ZNF74: variants seen among roughly 807,000 people sequenced by gnomAD.
ZNF74 encodes the protein zinc finger protein 520.
In ZNF74, 12 loss-of-function variants were observed where a neutral mutation model predicts 17.7. That is an observed-to-expected ratio of 0.68 (90% CI 0.43 to 1.10). The LOEUF is 1.10. Among genes scored for constraint, ZNF74 ranks in the 50% least tolerant of loss-of-function variants. The pLI is 0.00. For synonymous variants in ZNF74, 358 were observed against 362.1 expected (o/e 0.99, Z 0.13); for missense variants, 811 against 881.0 (o/e 0.92, Z 1.01).
rs757202277 is a variant in ZNF74, at chr22:20,405,801, GTTCCGCCAGAGCT to G, written c.769_781del (p.Phe257ProfsTer350). 4.0e-5 allele frequency: 64 copies of G among 1,611,094 alleles called. No individual in the cohort carries two copies. The highest frequency in any genetic ancestry group is 8.5e-7 in the Non-Finnish European group (1 of 1,179,302). ...TCGTGTGCGGCGAGTGCGGGAAGGCGTTCCGCCAGAGCTCCTCCCTCACGCTGCACCGGCGCTG... is the reference window on the plus strand; with the variant it reads ...TCGTGTGCGGCGAGTGCGGGAAGGCGCCTCCCTCACGCTGCACCGGCGCTG... On this transcript the variant is annotated frameshift_variant, in exon 5 of 5. Transcript: ENST00000400451. LOFTEE classifies it low-confidence loss of function (END_TRUNC).
Position 20,405,707 on chromosome 22 carries a change from C to T in ZNF74, c.674C>T (p.Thr225Met), listed in dbSNP as rs2052409747. 5 of 1,604,346 alleles carry T rather than the reference C, an allele frequency of 3.1e-6. No individual in the cohort carries two copies. Among genetic ancestry groups the T allele is most frequent in the Non-Finnish European group, 4.3e-6 (5 of 1,175,794 alleles). The stretch of plus-strand genomic sequence containing the variant: ...CTGTGTGCAGGGGAAAACGCCTCCA[C>T]GCCAAGTGAGCCAGAAAAGTTCCCC... ...ARLCAGENAS[T>M]PSEPEKFPQV... The change falls in exon 5 of 5, where the codon ACG (threonine) becomes ATG (methionine). Residue 225 changes from threonine (T) to methionine (M), a missense_variant. Thr to Met is a moderately conservative substitution (Grantham distance 81). This residue lies in a region of ZNF74 where 666 missense variants were observed against 702.3 expected (regional missense o/e 0.95). Transcript: ENST00000400451.
intron 3 of ZNF74, chr22:20,400,978 C>A: frequency 1.6e-6 from 1 of 613,940 alleles, no homozygotes; most frequent in Non-Finnish European, 2.9e-6. Context: ...TTGGTGTTTC[C>A]CCTGGTCCTG....
At position 20,395,317 on chromosome 22, in the gene ZNF74, A is replaced by G. The variant is rs545546406; in HGVS notation, c.35-16A>G. ...AGCCTGGTAGCCGTGACCTTGACTC[A>G]TTTCTCCTTCGCCAGCTCTTTCCTC... On this transcript the variant is annotated splice_polypyrimidine_tract_variant and intron_variant, in intron 1 of 4. Transcript: ENST00000400451. 2.5e-6 allele frequency: 4 copies of G among 1,582,088 alleles called. No homozygotes were observed. Among genetic ancestry groups the G allele is most frequent in the African/African-American group, 1.3e-5 (1 of 74,192 alleles).
Position 20,405,749 on chromosome 22 carries a change from G to T in ZNF74, c.716G>T (p.Arg239Leu). 1 of 1,604,922 alleles carries T rather than the reference G, an allele frequency of 6.2e-7. No homozygotes were observed. Among genetic ancestry groups the T allele is most frequent in the Non-Finnish European group, 8.5e-7 (1 of 1,176,328 alleles). Residue 239 changes from arginine (R) to leucine (L), a missense_variant, in exon 5 of 5, where the codon CGC becomes CTC. This residue lies in a region of ZNF74 where 666 missense variants were observed against 702.3 expected (regional missense o/e 0.95). Transcript: ENST00000400451. ...PEKFPQVRRQ[R>L]GAGAGEGEFV... is the part of the protein sequence containing the mutation. The stretch of plus-strand genomic sequence containing the variant: ...AAGTTCCCCCAGGTGCGCCGGCAGC[G>T]CGGGGCGGGCGCCGGGGAGGGCGAG...
rs1263495478 is a variant in ZNF74, at chr22:20,402,907, G to A, written c.343+1535G>A. On this transcript the variant is annotated intron_variant, in intron 4 of 4. Coordinates refer to ENST00000400451, the MANE Select transcript of ZNF74 (RefSeq NM_003426.4). ...GAATTGCTTGAACCCGGGAGGCAGA[G>A]GTTGCAGTGAGCCATGATCGCACCA... Among the ~76,000 whole-genome samples the A allele has an allele frequency of 2.0e-5, 3 of 152,130 alleles. No homozygotes were observed. The East Asian group carries it at 5.8e-4, about 29-fold the overall frequency.
chr22:20,406,909 T>C lies in ZNF74; in HGVS notation c.1876T>C (p.Cys626Arg). Residue 626 changes from cysteine (C) to arginine (R), a missense_variant, in exon 5 of 5, where the codon TGC becomes CGC. Coordinates refer to ENST00000400451, the MANE Select transcript of ZNF74 (RefSeq NM_003426.4). ...IDALDVAKLLCVVPPRAGRNF... is the reference protein window; with the variant it reads ...IDALDVAKLLRVVPPRAGRNF... ...CGCGCTGGATGTGGCAAAGCTCTTG[T>C]GCGTGGTTCCCCCCAGAGCTGGCAG... 1 of 1,613,992 alleles carries C rather than the reference T, an allele frequency of 6.2e-7. No homozygotes were observed. Among genetic ancestry groups the C allele is most frequent in the Non-Finnish European group, 8.5e-7 (1 of 1,180,018 alleles).
In ZNF74 at chr22:20,400,760, T is replaced by TA; in HGVS notation, c.247+6dup. Reference sequence around the variant, plus strand: ...ACTACCAGAACCTTCTTGCCCTAGGTAAAATCCCCCCAGCCCCAGGCTGGG... The same window carrying TA: ...ACTACCAGAACCTTCTTGCCCTAGGTAAAAATCCCCCCAGCCCCAGGCTGGG... On this transcript the variant is annotated splice_region_variant and intron_variant, in intron 3 of 4. Coordinates refer to ENST00000400451, the MANE Select transcript of ZNF74 (RefSeq NM_003426.4). The TA allele has an allele frequency of 6.2e-7, 1 of 1,613,848 alleles. No individual in the cohort carries two copies. Among genetic ancestry groups the TA allele is most frequent in the Non-Finnish European group, 8.5e-7 (1 of 1,179,888 alleles).
chr22:20,397,071 C>CTTTCTTTTTCTT (rs361657), intron 2 of ZNF74, among the ~76,000 whole-genome samples: 6 of 146,708 alleles, frequency 4.1e-5, no homozygotes, highest in South Asian at 2.1e-4. Flanking sequence ...TTTTGTTTTT[C>CTTTCTTTTTCTT]TTTCTTTTTC....
intron 4 of ZNF74, among the ~76,000 whole-genome samples, chr22:20,402,797 A>G (rs1299051167): frequency 1.3e-5 from 1 of 75,484 alleles, no homozygotes; most frequent in East Asian, 4.7e-4. Context: ...GTGAAATTCC[A>G]TCTCAAAAAA....
Position 20,406,742 on chromosome 22 carries a change from A to G in ZNF74, c.1709A>G (p.His570Arg). The G allele has an allele frequency of 6.2e-7, 1 of 1,614,096 alleles. No individual in the cohort carries two copies. Among genetic ancestry groups the G allele is most frequent in the Non-Finnish European group, 8.5e-7 (1 of 1,180,024 alleles). Residue 570 changes from histidine (H) to arginine (R), a missense_variant, in exon 5 of 5, where the codon CAC (histidine) becomes CGC (arginine). Physicochemically the swap from His to Arg is conservative, Grantham distance 29. This residue lies in a region of ZNF74 where 115 missense variants were observed against 119.5 expected (regional missense o/e 0.96). Coordinates refer to ENST00000400451, the MANE Select transcript of ZNF74 (RefSeq NM_003426.4). ...GGGGAGATGTTCAACTGGAGCTCGC[A>G]CCTCACTGAGCACCAGAGGCTGCAC... The part of the protein sequence containing the change: ...KCGEMFNWSS[H>R]LTEHQRLHSE...
chr22:20,402,918 G>T (rs1219095952), intron 4 of ZNF74, among the ~76,000 whole-genome samples: 3 of 152,096 alleles, frequency 2.0e-5, no homozygotes, highest in Admixed American at 2.0e-4. Flanking sequence ...GTTGCAGTGA[G>T]CCATGATCGC....
chr22:20,405,626 TG>T lies in ZNF74; in HGVS notation c.595del (p.Asp199ThrfsTer412). 1 of 1,613,272 alleles carries T rather than the reference TG, an allele frequency of 6.2e-7. No homozygotes were observed. Among genetic ancestry groups the T allele is most frequent in the Non-Finnish European group, 8.5e-7 (1 of 1,179,670 alleles). ...CGCGTTCCCGAGGGGGGACCCTTGC[TG>T]GACACACGCAAGAACGTCCAGGCCA... ...QQRVPEGGPL[L>X]DTRKNVQATE... On this transcript the variant is annotated frameshift_variant, in exon 5 of 5. Coordinates refer to ENST00000400451, the MANE Select transcript of ZNF74 (RefSeq NM_003426.4). LOFTEE classifies it low-confidence loss of function (END_TRUNC).
rs2052420334 is a variant in ZNF74, at chr22:20,406,099, G to C, written c.1066G>C (p.Gly356Arg). ...CAGCATGCACCTGCGGGTGCACACC[G>C]GCGAGAAGCCCTACCGGTGCGGCGA... ...LLSMHLRVHT[G>R]EKPYRCGECG... Residue 356 changes from glycine (G) to arginine (R), a missense_variant, in exon 5 of 5, where the codon GGC (glycine) becomes CGC (arginine). Physicochemically the swap from Gly to Arg is moderately radical, Grantham distance 125. Around this residue, in one of 3 missense-constraint regions of ZNF74, gnomAD observed 666 missense variants for 702.3 expected, o/e 0.95. Coordinates refer to ENST00000400451, the MANE Select transcript of ZNF74 (RefSeq NM_003426.4). 6.2e-7 allele frequency: 1 copy of C among 1,613,212 alleles called. No individual in the cohort carries two copies. The highest frequency in any genetic ancestry group is 1.7e-5 in the Admixed American group (1 of 59,958).
Position 20,401,507 on chromosome 22 carries a change from C to T in ZNF74, c.343+135C>T, listed in dbSNP as rs2052357142. ...TCAGGTCCCCCGCCAGACCCTCCTG[C>T]CTGCCTCCCTTCAGCACGTACTGAG... On this transcript the variant is annotated intron_variant, in intron 4 of 4. Coordinates refer to ENST00000400451, the MANE Select transcript of ZNF74 (RefSeq NM_003426.4). The surrounding 1 kb of genome is among the most constrained non-coding windows in gnomAD (Gnocchi z 4.2). The T allele has an allele frequency of 1.5e-6, 1 of 648,406 alleles. No homozygotes were observed. The highest frequency in any genetic ancestry group is 2.6e-5 in the Admixed American group (1 of 39,064). The allele number at this position is 648,406 out of a possible 1,614,324, so 40.2% of individuals were successfully genotyped here.
rs1459775859 is a variant in ZNF74 at position 20,394,627 on chromosome 22, C to T, written c.-2C>T. 7 of 1,614,014 alleles carry T rather than the reference C, an allele frequency of 4.3e-6. No homozygotes were observed. The highest frequency in any genetic ancestry group is 5.9e-6 in the Non-Finnish European group (7 of 1,180,000). On this transcript the variant is annotated 5_prime_UTR_variant, in exon 1 of 5. Transcript: ENST00000400451. ...CCTCCTGGGGAGGCTGCCGTGGAGG[C>T]CATGGAGATCCCTGCCCCGGAGCCC...
intron 2 of ZNF74, 153 bp from the exon 3 acceptor site, chr22:20,400,479 A>T: frequency 1.2e-6 from 1 of 818,598 alleles, no homozygotes; most frequent in Non-Finnish European, 2.0e-6. Flanking sequence ...CCCCGAATTC[A>T]GTCATGGTCA....
rs1195962597 is a variant in ZNF74, at chr22:20,405,986, C to T, written c.953C>T (p.Ser318Phe). The part of the protein sequence containing the change: ...ECGKAFSCHS[S>F]LNVHQRIHTG... The stretch of plus-strand genomic sequence containing the variant: ...GGGAAGGCCTTCAGCTGCCACTCGT[C>T]CCTCAACGTGCACCAGCGCATCCAC... The change falls in exon 5 of 5, where the codon TCC becomes TTC. Residue 318 changes from serine to phenylalanine, a missense_variant. Ser to Phe is a radical substitution (Grantham distance 155). Around this residue, in one of 3 missense-constraint regions of ZNF74, gnomAD observed 666 missense variants for 702.3 expected, o/e 0.95. Transcript: ENST00000400451. 1 of 1,612,238 alleles carries T rather than the reference C, an allele frequency of 6.2e-7. No homozygotes were observed. The highest frequency in any genetic ancestry group is 1.3e-5 in the African/African-American group (1 of 74,482).
Position 20,405,405 on chromosome 22 carries a change from A to AC in ZNF74, c.373dup (p.Gln125ProfsTer84). On this transcript the variant is annotated frameshift_variant, in exon 5 of 5. Transcript: ENST00000400451. LOFTEE classifies it low-confidence loss of function (END_TRUNC). ...GGGAGCTGAAGGCGGTGCCCTCTCA[A>AC]CAGCAGGGCATTTGCAAAGAAGAAC... The AC allele has an allele frequency of 1.2e-6, 2 of 1,612,174 alleles. No individual in the cohort carries two copies. The highest frequency in any genetic ancestry group is 1.7e-6 in the Non-Finnish European group (2 of 1,179,624).
rs749005967 is a variant in ZNF74, at chr22:20,406,380, CG to C, written c.1350del (p.Lys451ArgfsTer160). ...AGAAGCCCTTCAAGTGCGCCGACTG[CG>C]GGAAGGGCTTCAGCTGCCACGCGTA... ...GEKPFKCADC[G>X]KGFSCHAYLL... On this transcript the variant is annotated frameshift_variant, in exon 5 of 5. Transcript: ENST00000400451. LOFTEE classifies it low-confidence loss of function (END_TRUNC). 1 of 1,613,604 alleles carries C rather than the reference CG, an allele frequency of 6.2e-7. No individual in the cohort carries two copies. The highest frequency in any genetic ancestry group is 1.1e-5 in the South Asian group (1 of 91,056).
Sources: allele counts gnomAD v4.1 joint callset (sites outside exome capture counted in the v4.1 genomes callset), GRCh38; gene constraint gnomAD v4.1.1; regional missense constraint gnomAD v4.1.1; non-coding constraint Gnocchi (gnomAD v3.1); transcripts MANE v1.5; gene names NCBI Gene and HGNC (gene_info 2026-07-23, HGNC 2026-07-21).